EXOC2: variants seen among roughly 807,000 people sequenced by gnomAD.
The protein encoded by EXOC2 is SEC5-like 1.
EXOC2 carries 70 observed loss-of-function variants against 131.8 expected under a neutral mutation model. That is an observed-to-expected ratio of 0.53 (90% CI 0.44 to 0.65). EXOC2 has a LOEUF of 0.65. Among genes scored for constraint, EXOC2 ranks in the 30% least tolerant of loss-of-function variants. The probability of loss-of-function intolerance (pLI) is 0.00; values close to 1 mark genes in which losing one functional copy is unlikely to be tolerated. For missense variants in EXOC2, 923 were observed against 1,108.6 expected (o/e 0.83, Z 2.38); for synonymous variants, 411 against 398.4 (o/e 1.03, Z -0.38).
chr6:580,289 G>T (rs112425540), intron 11 of EXOC2, among the ~76,000 whole-genome samples: 1 of 152,080 alleles, frequency 6.6e-6, no homozygotes, highest in East Asian at 1.9e-4. Flanking sequence ...ATCTGCCTGC[G>T]TCAGCCTCCC....
chr6:506,344 A>G lies in EXOC2; in HGVS notation c.2381-6644T>C, dbSNP rs527335638. ...CCTAAGTTTCAGTTTGTGCTCCAAC[A>G]ACAGTGGGCCATACAATGCCAAATG... On this transcript the variant is annotated intron_variant, in intron 23 of 27. Transcript: ENST00000230449. This position sits in a 1 kb window ranked among gnomAD's most constrained non-coding sequence, Gnocchi z 4.4. Among the ~76,000 whole-genome samples the G allele has an allele frequency of 1.4e-4, 22 of 152,346 alleles. No individual in the cohort carries two copies. The highest frequency in any genetic ancestry group is 5.1e-4 in the African/African-American group (21 of 41,576).
At chr6:539,361 T>C (rs1259906298) in intron 22 of EXOC2, among the ~76,000 whole-genome samples, 1 of 152,108 alleles carries the variant, frequency 6.6e-6, no homozygotes, top group Non-Finnish European at 1.5e-5. Context: ...GCAGCAATCA[T>C]GTATATACTC....
intron 4 of EXOC2, among the ~76,000 whole-genome samples, chr6:621,232 G>C (rs1761275059): frequency 1.3e-5 from 2 of 152,170 alleles, no homozygotes; most frequent in African/African-American, 4.8e-5. Flanking sequence ...ACAGCTGCAG[G>C]GAACACTGTC....
intron 23 of EXOC2, among the ~76,000 whole-genome samples, chr6:509,983 A>C (rs1764753640): frequency 6.6e-6 from 1 of 152,188 alleles, no homozygotes. Flanking sequence ...AATATCCCAC[A>C]ATGTACTTTT....
chr6:543,036 T>C (rs766082635), intron 22 of EXOC2, among the ~76,000 whole-genome samples: 6 of 152,136 alleles, frequency 3.9e-5, no homozygotes, highest in Non-Finnish European at 8.8e-5. Flanking sequence ...CGTTTAGACA[T>C]TAAGCAAAGC....
At chr6:614,533 C>T (rs1366752611) in intron 6 of EXOC2, among the ~76,000 whole-genome samples, 1 of 152,184 alleles carries the variant, frequency 6.6e-6, no homozygotes, top group Non-Finnish European at 1.5e-5. Context: ...AGTCTGAGTA[C>T]AACAGCTTTC....
At chr6:508,210 G>A (rs756181886) in intron 23 of EXOC2, among the ~76,000 whole-genome samples, 2 of 152,056 alleles carry the variant, frequency 1.3e-5, no homozygotes, top group African/African-American at 4.8e-5. Flanking sequence ...ATGCCGTCCC[G>A]CCCGCCACCA....
intron 4 of EXOC2, among the ~76,000 whole-genome samples, chr6:624,029 T>A (rs2127689327): frequency 6.6e-6 from 1 of 152,354 alleles, no homozygotes; most frequent in Middle Eastern, 3.4e-3. Context: ...AAAGTAGATT[T>A]TATTTTTGTT....
intron 11 of EXOC2, among the ~76,000 whole-genome samples, chr6:581,204 G>A (rs1439738247): frequency 1.3e-5 from 2 of 151,602 alleles, no homozygotes; most frequent in Admixed American, 1.3e-4. Context: ...GCTGAGGCAG[G>A]AGAACTGCTT....
intron 23 of EXOC2, among the ~76,000 whole-genome samples, chr6:527,412 CAACA>C (rs1765805337): frequency 6.6e-6 from 1 of 152,248 alleles, no homozygotes; most frequent in African/African-American, 2.4e-5. Context: ...AAATAAAATT[CAACA>C]AACATAGACT....
intron 11 of EXOC2, among the ~76,000 whole-genome samples, chr6:584,330 A>AG (rs1271894186): frequency 2.6e-5 from 4 of 152,234 alleles, no homozygotes; most frequent in Non-Finnish European, 5.9e-5. Context: ...ATGTACGTAA[A>AG]GGTCCTAGCT....
At chr6:659,795 C>G (rs1763330249) in intron 1 of EXOC2, among the ~76,000 whole-genome samples, 1 of 152,152 alleles carries the variant, frequency 6.6e-6, no homozygotes, top group Non-Finnish European at 1.5e-5. Flanking sequence ...GGGTACAACT[C>G]CACAGGGAGA....
At chr6:617,655 A>C in intron 6 of EXOC2, 56 bp downstream of exon 6, 1 of 1,582,372 alleles carries the variant, frequency 6.3e-7, no homozygotes, top group Non-Finnish European at 8.6e-7. Flanking sequence ...CCCTGCAGGC[A>C]GTGCCGGGTT....
chr6:606,854 T>A (rs928618275), intron 7 of EXOC2, among the ~76,000 whole-genome samples: 2 of 152,252 alleles, frequency 1.3e-5, no homozygotes, highest in African/African-American at 4.8e-5. Flanking sequence ...ACTTCCAGTG[T>A]TAGAGCTTCC....
chr6:634,761 A>G (rs1390599484), intron 2 of EXOC2, among the ~76,000 whole-genome samples: 2 of 152,070 alleles, frequency 1.3e-5, no homozygotes, highest in Non-Finnish European at 2.9e-5. Flanking sequence ...TTATAATAAC[A>G]CATTTTTAAA....
Position 576,809 on chromosome 6 carries a change from A to G in EXOC2, c.1266T>C (p.Ser422=), listed in dbSNP as rs140522796. 38 of 1,614,128 alleles carry G rather than the reference A, an allele frequency of 2.4e-5. No individual in the cohort carries two copies. In the African/African-American group the frequency reaches 5.1e-4, roughly 22 times the overall value. ...DTRPSVLGHL[S]QTASLKRGSS... ...TGCCCCTCTTCAGGGACGCTGTCTGACTGAGATGGCCCAACACTGAGGGAC... is the reference window on the plus strand; with the variant it reads ...TGCCCCTCTTCAGGGACGCTGTCTGGCTGAGATGGCCCAACACTGAGGGAC... Residue 422 remains serine, a synonymous_variant, in exon 12 of 28, where the codon AGT becomes AGC. Transcript: ENST00000230449.
At chr6:598,414 A>G (rs1400877678) in intron 9 of EXOC2, among the ~76,000 whole-genome samples, 2 of 152,240 alleles carry the variant, frequency 1.3e-5, no homozygotes, top group Non-Finnish European at 2.9e-5. Context: ...TTTAAATTTA[A>G]TAAGGCCCTG....
intron 3 of EXOC2, among the ~76,000 whole-genome samples, chr6:630,537 T>C (rs1761793412): frequency 6.6e-6 from 1 of 152,228 alleles, no homozygotes; most frequent in Admixed American, 6.5e-5. Flanking sequence ...ATACTGTGAG[T>C]TTCTGCTTCT....
chr6:506,668 C>G lies in EXOC2; in HGVS notation c.2381-6968G>C, dbSNP rs1048503987. On this transcript the variant is annotated intron_variant, in intron 23 of 27. Coordinates refer to ENST00000230449, the MANE Select transcript of EXOC2 (RefSeq NM_018303.6). The surrounding 1 kb of genome is among the most constrained non-coding windows in gnomAD (Gnocchi z 4.4). ...GTGTCCCCACCCACACAGTATCAAC[C>G]TAGACTACTACCACTTAGCAATTAA... 6.6e-6 allele frequency among the ~76,000 whole-genome samples: 1 copy of G among 151,820 alleles called. No homozygotes were observed. The highest frequency in any genetic ancestry group is 1.5e-5 in the Non-Finnish European group (1 of 67,964).
Sources: allele counts gnomAD v4.1 joint callset (sites outside exome capture counted in the v4.1 genomes callset), GRCh38; gene constraint gnomAD v4.1.1; non-coding constraint Gnocchi (gnomAD v3.1); transcripts MANE v1.5; gene names NCBI Gene and HGNC (gene_info 2026-07-23, HGNC 2026-07-21).